DOK6: variants seen among roughly 807,000 people sequenced by gnomAD.
DOK6 encodes the protein docking protein 6.
DOK6 carries 22 observed loss-of-function variants against 44.0 expected under a neutral mutation model. That is an observed-to-expected ratio of 0.50 (90% CI 0.36 to 0.71). The LOEUF is 0.71. Ranked by LOEUF, DOK6 falls within the 30% of genes least tolerant of loss-of-function variation. DOK6 has a pLI of 0.00. For synonymous variants in DOK6, 166 were observed against 145.5 expected (o/e 1.14, Z -1.01); for missense variants, 340 against 416.4 (o/e 0.82, Z 1.60).
chr18:69,424,108 G>A (rs191315343), intron 1 of DOK6, among the ~76,000 whole-genome samples: 24 of 151,976 alleles, frequency 1.6e-4, no homozygotes, highest in Middle Eastern at 3.4e-3. Context: ...ATATACTATC[G>A]CTTTGTATAA....
intron 4 of DOK6, among the ~76,000 whole-genome samples, chr18:69,686,808 A>G (rs548409026): frequency 6.6e-6 from 1 of 152,316 alleles, no homozygotes; most frequent in East Asian, 1.9e-4. Context: ...TTTTTCTTAG[A>G]TTGAGTTAAA....
intron 1 of DOK6, among the ~76,000 whole-genome samples, chr18:69,485,879 A>ATGTGTG (rs1411352229): frequency 1.7e-4 from 14 of 83,570 alleles, no homozygotes; most frequent in African/African-American, 6.6e-4. Flanking sequence ...GTATACGTAT[A>ATGTGTG]TATGTGTGTG....
rs143428741 is a variant in DOK6, at chr18:69,709,179, T to C, written c.599+10586T>C. ...TTCAAGAACATCCATCGTATGACTC[T>C]GGTGTCACTTACTTTAATGGTGGTA... is the stretch of plus-strand genomic sequence containing the variant. On this transcript the variant is annotated intron_variant, in intron 5 of 7. Transcript: ENST00000382713. 2.9e-3 allele frequency among the ~76,000 whole-genome samples: 445 copies of C among 152,316 alleles called. 5 individuals carry two copies. Among genetic ancestry groups the C allele is most frequent in the African/African-American group, 9.9e-3 (410 of 41,562 alleles).
In DOK6 at chr18:69,509,619, C is replaced by T. The variant is rs944897615; in HGVS notation, c.67-54868C>T. Among the ~76,000 whole-genome samples the T allele has an allele frequency of 2.9e-4, 32 of 111,734 alleles. No homozygotes were observed. In the Admixed American group the frequency reaches 4.2e-3, roughly 15 times the overall value. The allele number at this position is 111,734 out of a possible 152,430, so 73.3% of individuals were successfully genotyped here. A position where few individuals can be genotyped will look rare whatever the true frequency, so the allele number is the denominator to read the frequency against. ...CGCCGCTGCACTCCAGCCTGGGCAA[C>T]AGAGCTAGGCTCTGTCTCAAAAAAA... is the stretch of plus-strand genomic sequence containing the variant. On this transcript the variant is annotated intron_variant, in intron 1 of 7. Coordinates refer to ENST00000382713, the MANE Select transcript of DOK6 (RefSeq NM_152721.6).
At chr18:69,647,122 T>C (rs923086835) in intron 3 of DOK6, among the ~76,000 whole-genome samples, 14 of 152,196 alleles carry the variant, frequency 9.2e-5, no homozygotes, top group African/African-American at 3.4e-4. Flanking sequence ...ATCCTATCTG[T>C]CTATCCTGTC....
chr18:69,825,414 T>C (rs1390584699), intron 7 of DOK6, among the ~76,000 whole-genome samples: 2 of 148,504 alleles, frequency 1.3e-5, no homozygotes, highest in African/African-American at 2.5e-5. Context: ...AAACGGTTTA[T>C]CAATCATAAC....
At chr18:69,519,451 GA>G (rs971227356) in intron 1 of DOK6, among the ~76,000 whole-genome samples, 13 of 151,474 alleles carry the variant, frequency 8.6e-5, no homozygotes, top group South Asian at 4.2e-4. Context: ...CATACAAGAA[GA>G]AAAAAACTGA....
chr18:69,743,836 A>C lies in DOK6; in HGVS notation c.738+4733A>C, dbSNP rs868490782. ...TCAGTGTATTAAAAAAAAAAAAAAA[A>C]CAGCATTTAGGATGCTCCTGTTCTG... On this transcript the variant is annotated intron_variant, in intron 6 of 7. Transcript: ENST00000382713. 5.4e-3 allele frequency among the ~76,000 whole-genome samples: 816 copies of C among 151,842 alleles called. 4 individuals are homozygous for C. Among genetic ancestry groups the C allele is most frequent in the African/African-American group, 0.017 (707 of 41,328 alleles).
intron 1 of DOK6, among the ~76,000 whole-genome samples, chr18:69,464,147 A>G (rs2122478670): frequency 6.6e-6 from 1 of 152,334 alleles, no homozygotes; most frequent in East Asian, 1.9e-4. Flanking sequence ...ATAACCTAAC[A>G]GCATGAGTGT....
chr18:69,457,743 T>C (rs1979669191), intron 1 of DOK6, among the ~76,000 whole-genome samples: 1 of 152,246 alleles, frequency 6.6e-6, no homozygotes, highest in Admixed American at 6.5e-5. Context: ...GCCATTTTAA[T>C]GATATTGATT....
intron 1 of DOK6, among the ~76,000 whole-genome samples, chr18:69,439,753 C>T (rs1035074708): frequency 6.6e-6 from 1 of 152,180 alleles, no homozygotes; most frequent in African/African-American, 2.4e-5. Context: ...AATGTTGTGG[C>T]TGGTTCGATC....
intron 1 of DOK6, among the ~76,000 whole-genome samples, chr18:69,436,439 T>C (rs1247671884): frequency 6.6e-6 from 1 of 152,060 alleles, no homozygotes; most frequent in African/African-American, 2.4e-5. Context: ...TTCCTGTTGC[T>C]GAGAATGATG....
At chr18:69,428,802 TCAAA>T (rs543663604) in intron 1 of DOK6, among the ~76,000 whole-genome samples, 281 of 152,344 alleles carry the variant, frequency 1.8e-3, no homozygotes, top group African/African-American at 6.4e-3. Context: ...AAGGACTTGC[TCAAA>T]CAAACTCCTA....
chr18:69,491,620 T>C (rs151225673), intron 1 of DOK6, among the ~76,000 whole-genome samples: 1 of 152,326 alleles, frequency 6.6e-6, no homozygotes, highest in Non-Finnish European at 1.5e-5. Context: ...ATGTTTAGGT[T>C]GTTAGCAGTG....
At chr18:69,633,268 T>C (rs1280101348) in intron 3 of DOK6, among the ~76,000 whole-genome samples, 1 of 152,228 alleles carries the variant, frequency 6.6e-6, no homozygotes, top group Non-Finnish European at 1.5e-5. Flanking sequence ...ATGCAGCAAA[T>C]AGTATTCACA....
chr18:69,452,102 C>CA lies in DOK6; in HGVS notation c.66+50798dup, dbSNP rs1165986420. On this transcript the variant is annotated intron_variant, in intron 1 of 7. Transcript: ENST00000382713. ...GGAAATAGAGACACAAAAAACCCTT[C>CA]AAAAAATCAATGAATCCAGGAGCTG... is the stretch of plus-strand genomic sequence containing the variant. Among the ~76,000 whole-genome samples, 242 of 151,592 alleles carry CA rather than the reference C, an allele frequency of 1.6e-3. 1 individual carries two copies. Among genetic ancestry groups the CA allele is most frequent in the African/African-American group, 5.7e-3 (235 of 41,286 alleles).
intron 1 of DOK6, among the ~76,000 whole-genome samples, chr18:69,438,357 G>C (rs1645470804): frequency 6.6e-6 from 1 of 152,154 alleles, no homozygotes; most frequent in African/African-American, 2.4e-5. Context: ...TGCATAAAAA[G>C]AAACTTCTTA....
chr18:69,672,715 G>T (rs12455151), intron 3 of DOK6, among the ~76,000 whole-genome samples: 72,292 of 129,670 alleles, frequency 0.56, 18,687 homozygotes, highest in East Asian at 0.76. Flanking sequence ...AAAGGGGGGG[G>T]TGGGGGCGGT....
intron 5 of DOK6, among the ~76,000 whole-genome samples, chr18:69,716,297 C>T (rs931526625): frequency 1.3e-5 from 2 of 152,160 alleles, no homozygotes; most frequent in African/African-American, 4.8e-5. Flanking sequence ...TAAAGCCATA[C>T]TTTGAGGGGT....
Sources: gnomAD v4.1 joint callset for allele counts (sites outside exome capture counted in the v4.1 genomes callset) on GRCh38, gnomAD v4.1.1 for gene constraint, MANE v1.5 for transcripts, NCBI Gene and HGNC (gene_info 2026-07-23, HGNC 2026-07-21) for gene names.